The following SULT1B1 variants were observed in gnomAD, a reference collection of about 807,000 sequenced individuals.
SULT1B1 encodes sulfotransferase family 1B member 1.
In SULT1B1, 28 loss-of-function variants were observed where a neutral mutation model predicts 34.6. The observed-to-expected ratio is 0.81, with a 90% confidence interval of 0.60 to 1.11. SULT1B1 has a LOEUF of 1.11. SULT1B1 is among the 50% of genes least tolerant of loss of function. The pLI, the probability that SULT1B1 is intolerant of heterozygous loss-of-function variation, is 0.00. For missense variants in SULT1B1, 374 were observed against 352.2 expected (o/e 1.06, Z -0.50); for synonymous variants, 147 against 110.2 (o/e 1.33, Z -2.09).
rs1718046324 is a variant in SULT1B1, at chr4:69,730,699, C to A, written c.598-18G>T. 1 of 1,600,522 alleles carries A rather than the reference C, an allele frequency of 6.2e-7. No homozygotes were observed. The highest frequency in any genetic ancestry group is 1.3e-5 in the African/African-American group (1 of 74,380). On this transcript the variant is annotated intron_variant, in intron 6 of 7. Transcript: ENST00000310613. ...TTTGGATTCTATTAGTGGGTAAAACCCAAGACAATAAACAAGTAACTCACA... is the reference window on the plus strand; with the variant it reads ...TTTGGATTCTATTAGTGGGTAAAACACAAGACAATAAACAAGTAACTCACA...
chr4:69,758,173 G>A (rs1051803312), intron 1 of SULT1B1: 14 of 347,972 alleles, frequency 4.0e-5, no homozygotes, highest in Non-Finnish European at 4.8e-5. Flanking sequence ...AATGTGGATG[G>A]TCAAGAAGTC....
At chr4:69,750,861 G>A (rs74348883) in intron 3 of SULT1B1, among the ~76,000 whole-genome samples, 7,078 of 152,144 alleles carry the variant, frequency 0.047, 235 homozygotes, top group East Asian at 0.093. Context: ...ATCGAGAACC[G>A]TGACTAGCAC....
chr4:69,748,491 T>C (rs1440770217), intron 4 of SULT1B1, among the ~76,000 whole-genome samples: 1 of 152,002 alleles, frequency 6.6e-6, no homozygotes, highest in Admixed American at 6.6e-5. Flanking sequence ...AGAAAGGATA[T>C]AAAAGAACTG....
chr4:69,756,499 G>T (rs73826840), intron 1 of SULT1B1, among the ~76,000 whole-genome samples: 11,541 of 152,200 alleles, frequency 0.076, 507 homozygotes, highest in African/African-American at 0.11. Context: ...GTGATCTTCA[G>T]CCAATTAGTT....
Position 69,743,554 on chromosome 4 carries a change from C to G in SULT1B1, c.375+6167G>C, listed in dbSNP as rs549939115. 5.3e-5 allele frequency among the ~76,000 whole-genome samples: 8 copies of G among 152,290 alleles called. No homozygotes were observed. The South Asian group carries it at 1.7e-3, about 32-fold the overall frequency. ...GTGGGGCTTCACCCGGGACCCACCC[C>G]CTTCTGCCCAGGAGCCTGTCTACCA... is the stretch of plus-strand genomic sequence containing the variant. On this transcript the variant is annotated intron_variant, in intron 4 of 7. Coordinates refer to ENST00000310613, the MANE Select transcript of SULT1B1 (RefSeq NM_014465.4).
At chr4:69,755,349 C>CT (rs369240310) in intron 1 of SULT1B1, 88 bp from the exon 2 acceptor site, 17 of 1,002,146 alleles carry the variant, frequency 1.7e-5, no homozygotes, top group African/African-American at 1.6e-4. Context: ...TAAAATTGGC[C>CT]TTTAACATTC....
intron 2 of SULT1B1, 41 bp from the exon 3 acceptor site, chr4:69,754,839 T>C: frequency 2.5e-6 from 4 of 1,599,792 alleles, no homozygotes; most frequent in Non-Finnish European, 3.4e-6. Context: ...TTACCCAAAT[T>C]GCACGGGAGA....
chr4:69,760,422 A>C (rs1036689968), intron 1 of SULT1B1, 37 bp downstream of exon 1: 1 of 156,954 alleles, frequency 6.4e-6, no homozygotes, highest in Non-Finnish European at 1.4e-5. Context: ...GGGATAGGAC[A>C]AAACTTCAAG....
intron 4 of SULT1B1, 122 bp from the exon 5 acceptor site, chr4:69,734,386 G>A: frequency 2.8e-6 from 3 of 1,067,806 alleles, no homozygotes; most frequent in South Asian, 3.3e-5. Context: ...TGTGGGCCAG[G>A]GAGGCCCTTC....
intron 7 of SULT1B1, among the ~76,000 whole-genome samples, chr4:69,727,619 T>A (rs1271095428): frequency 1.3e-5 from 2 of 152,054 alleles, no homozygotes; most frequent in Non-Finnish European, 2.9e-5. Flanking sequence ...AAATTAGTCA[T>A]CAGCACAGCA....
chr4:69,727,578 T>C (rs1041116334), intron 7 of SULT1B1, among the ~76,000 whole-genome samples: 1 of 152,014 alleles, frequency 6.6e-6, no homozygotes, highest in African/African-American at 2.4e-5. Flanking sequence ...CATATTTTAT[T>C]TCACAAAGTA....
chr4:69,739,935 G>C (rs1489942877), intron 4 of SULT1B1, among the ~76,000 whole-genome samples: 2 of 152,134 alleles, frequency 1.3e-5, no homozygotes, highest in Non-Finnish European at 2.9e-5. Context: ...CTCCATCTAA[G>C]ACCACCTCAG....
chr4:69,736,834 TA>T (rs1718337601), intron 4 of SULT1B1, among the ~76,000 whole-genome samples: 1 of 151,596 alleles, frequency 6.6e-6, no homozygotes, highest in Non-Finnish European at 1.5e-5. Flanking sequence ...ATAAAGACAA[TA>T]AAGAGAAACT....
In SULT1B1 at chr4:69,724,131, G is replaced by T. The variant is rs1717735573; in HGVS notation, c.*2957C>A. 1 of 152,164 alleles carries T rather than the reference G, an allele frequency of 6.6e-6. No individual in the cohort carries two copies. Among genetic ancestry groups the T allele is most frequent in the African/African-American group, 2.4e-5 (1 of 41,426 alleles). The allele number at this position is 152,164 out of a possible 1,614,324, so 9.4% of individuals were successfully genotyped here. On this transcript the variant is annotated 3_prime_UTR_variant, in exon 8 of 8. Transcript: ENST00000310613. ...GATTGTATATGTAGAAAACCCCATT[G>T]TCTCAGCCCAAAATCTCCTTAAGCT...
chr4:69,749,866 G>A, intron 3 of SULT1B1, 48 bp from the exon 4 acceptor site: 2 of 1,420,348 alleles, frequency 1.4e-6, no homozygotes, highest in Non-Finnish European at 2.0e-6. Flanking sequence ...CTCCAGAAAG[G>A]CTACGTTTCC....
rs4149416 is a variant in SULT1B1, at chr4:69,730,667, T to G, written c.612A>C (p.Glu204Asp). 1.2e-3 allele frequency: 1,974 copies of G among 1,612,002 alleles called. 11 individuals are homozygous for G. The highest frequency in any genetic ancestry group is 5.6e-3 in the East Asian group (251 of 44,740). The change falls in exon 7 of 8, where the codon GAA (glutamate) becomes GAC (aspartate). Residue 204 changes from glutamate (E) to aspartate (D), a missense_variant. Physicochemically the swap from Glu to Asp is conservative, Grantham distance 45. Transcript: ENST00000310613. ...YEDMKENPKE[E>D]IKKIIRFLEK... ...CTAGAAATCTAATGATCTTCTTGAT[T>G]TCCTCCTTTGGATTCTATTAGTGGG...
In SULT1B1 at chr4:69,730,594, AG is replaced by A. The variant is rs751271328; in HGVS notation, c.684del (p.Ser229HisfsTer4). The part of the protein sequence containing the change: ...DEILDRIIHH[T>X]SFEVMKDNPL... Reference sequence around the variant, plus strand: ...GGATTGTCCTTCATCACTTCAAATGAGGTGTGATGGATGATCCTATCCAAGA... The same window carrying A: ...GGATTGTCCTTCATCACTTCAAATGAGTGTGATGGATGATCCTATCCAAGA... On this transcript the variant is annotated frameshift_variant, in exon 7 of 8. Transcript: ENST00000310613. LOFTEE classifies it high-confidence loss of function. 3.1e-6 allele frequency: 5 copies of A among 1,613,090 alleles called. No individual in the cohort carries two copies. The highest frequency in any genetic ancestry group is 4.2e-6 in the Non-Finnish European group (5 of 1,179,412).
intron 7 of SULT1B1, among the ~76,000 whole-genome samples, chr4:69,729,292 C>A (rs1272287925): frequency 6.6e-6 from 1 of 151,884 alleles, no homozygotes; most frequent in Non-Finnish European, 1.5e-5. Flanking sequence ...ATAAAAAATA[C>A]AGTATTTGCA....
chr4:69,749,741 A>G lies in SULT1B1; in HGVS notation c.355T>C (p.Phe119Leu). The change falls in exon 4 of 8, where the codon TTC (phenylalanine) becomes CTC (leucine). Residue 119 changes from phenylalanine (F) to leucine (L), a missense_variant. Coordinates refer to ENST00000310613, the MANE Select transcript of SULT1B1 (RefSeq NM_014465.4). ...HLPTDLLPKS[F>L]WENNCKMIYL... ...TATACCTTGCAATTGTTTTCCCAGAAAGATTTAGGAAGAAGATCAGTCGGT... is the reference window on the plus strand; with the variant it reads ...TATACCTTGCAATTGTTTTCCCAGAGAGATTTAGGAAGAAGATCAGTCGGT... 6.2e-7 allele frequency: 1 copy of G among 1,613,626 alleles called. No homozygotes were observed. Among genetic ancestry groups the G allele is most frequent in the Non-Finnish European group, 8.5e-7 (1 of 1,179,634 alleles).
Sources: gnomAD v4.1 joint callset for allele counts (sites outside exome capture counted in the v4.1 genomes callset) on GRCh38, gnomAD v4.1.1 for gene constraint, MANE v1.5 for transcripts, NCBI Gene and HGNC (gene_info 2026-07-23, HGNC 2026-07-21) for gene names.